Variants in CDH23 observed in about 807,000 individuals in gnomAD.
CDH23 encodes cadherin-23.
In CDH23, 189 loss-of-function variants were observed where a neutral mutation model predicts 317.1. The ratio of observed to expected loss-of-function variants is 0.60; its 90% CI spans 0.53 to 0.67. The LOEUF (loss-of-function observed/expected upper bound fraction) is 0.67, where lower values mean the gene tolerates loss of function less well. CDH23 is among the 30% of genes least tolerant of loss of function. The probability of loss-of-function intolerance (pLI) is 0.00; values close to 1 mark genes in which losing one functional copy is unlikely to be tolerated. For synonymous variants in CDH23, 1,839 were observed against 1,876.8 expected, an observed-to-expected ratio of 0.98 and a Z score of 0.52; for missense variants, 4,401 against 4,592.4, an observed-to-expected ratio of 0.96 and a Z score of 1.20.
chr10:71,627,482 G>A (rs1299257781), intron 11 of CDH23, among the ~76,000 whole-genome samples: 1 of 152,134 alleles, frequency 6.6e-6, no homozygotes, highest in African/African-American at 2.4e-5. Flanking sequence ...CCAGAGGGTG[G>A]CCTCTGCCAT....
chr10:71,461,577 T>C (rs559312297), intron 3 of CDH23, among the ~76,000 whole-genome samples: 22 of 152,276 alleles, frequency 1.4e-4, no homozygotes, highest in African/African-American at 4.6e-4. Flanking sequence ...CAGCCTTCTG[T>C]CATCTTTTGC....
Position 71,785,021 on chromosome 10 carries a change from C to T in CDH23, c.5633C>T (p.Ala1878Val). 6.2e-7 allele frequency: 1 copy of T among 1,614,094 alleles called. No individual in the cohort carries two copies. The highest frequency in any genetic ancestry group is 1.1e-5 in the South Asian group (1 of 91,088). The change falls in exon 43 of 70, where the codon GCT (alanine) becomes GTT (valine). Residue 1878 changes from alanine to valine, a missense_variant. Coordinates refer to ENST00000224721, the MANE Select transcript of CDH23 (RefSeq NM_022124.6). Reference sequence around the variant, plus strand: ...GTCGCCCATGTCCTGGCCAGTGACGCTGACAGTGGCTGCAATGCACGCCTC... The same window carrying T: ...GTCGCCCATGTCCTGGCCAGTGACGTTGACAGTGGCTGCAATGCACGCCTC... ...SFVAHVLASD[A>V]DSGCNARLTF... is the part of the protein sequence containing the mutation.
Position 71,740,948 on chromosome 10 carries a change from G to A in CDH23, c.4615G>A (p.Glu1539Lys). 6.2e-7 allele frequency: 1 copy of A among 1,613,934 alleles called. No individual in the cohort carries two copies. Among genetic ancestry groups the A allele is most frequent in the Non-Finnish European group, 8.5e-7 (1 of 1,179,860 alleles). Residue 1539 changes from glutamate (E) to lysine (K), a missense_variant and splice_region_variant, in exon 37 of 70, where the codon GAG becomes AAG. This residue lies in a region of CDH23 where 3,068 missense variants were observed against 3,203.3 expected (regional missense o/e 0.96). Transcript: ENST00000224721. ...CTTTGGATACAATGTCAGTGTGAATGAGGTGAGGGCAGCCCCGGGGCCCAT... is the reference window on the plus strand; with the variant it reads ...CTTTGGATACAATGTCAGTGTGAATAAGGTGAGGGCAGCCCCGGGGCCCAT... ...SPFGYNVSVN[E>K]NVGGGTAVVQ...
In CDH23 at chr10:71,810,495, G is replaced by A. The variant is rs531443805; in HGVS notation, c.9003G>A (p.Arg3001=). Residue 3001 remains arginine (R), a synonymous_variant, in exon 62 of 70, where the codon CGG becomes CGA. Transcript: ENST00000224721. The part of the protein sequence containing the change: ...NVQFHVDKKG[R]VNFAQTELLI... ...AGTTCCATGTGGACAAGAAGGGCCG[G>A]GTGAACTTTGCGCAGACAGAACTGC... is the stretch of plus-strand genomic sequence containing the variant. 1.2e-5 allele frequency: 20 copies of A among 1,613,972 alleles called. No individual in the cohort carries two copies. The African/African-American group carries it at 2.0e-4, about 16-fold the overall frequency.
chr10:71,790,627 AC>A lies in CDH23; in HGVS notation c.6049+216del, dbSNP rs1212252641. On this transcript the variant is annotated intron_variant, in intron 46 of 69. Coordinates refer to ENST00000224721, the MANE Select transcript of CDH23 (RefSeq NM_022124.6). ...AAGAGGCTTGGAGACGATACACAGG[AC>A]CTCTGTTGGTGCACGAACTCTCAGC... is the stretch of plus-strand genomic sequence containing the variant. 8 of 614,022 alleles carry A rather than the reference AC, an allele frequency of 1.3e-5. No homozygotes were observed. The African/African-American group carries it at 1.5e-4, about 11-fold the overall frequency. 38.0% of individuals were successfully genotyped at this position (614,022 alleles called of 1,614,324 possible). A position where few individuals can be genotyped will look rare whatever the true frequency, so the allele number is the denominator to read the frequency against.
chr10:71,809,871 C>T lies in CDH23; in HGVS notation c.8774C>T (p.Pro2925Leu), dbSNP rs763128745. The stretch of plus-strand genomic sequence containing the variant: ...TTCGACCTCTTCATGGCCTACAGCC[C>T]CGGCTACTTCGTGGTGGACATTGTG... ...RTFDLFMAYS[P>L]GYFVVDIVAR... is the part of the protein sequence containing the mutation. The change falls in exon 61 of 70, where the codon CCC (proline) becomes CTC (leucine). Residue 2925 changes from proline (P) to leucine (L), a missense_variant. Physicochemically the swap from Pro to Leu is moderately conservative, Grantham distance 98. Transcript: ENST00000224721. 8.1e-6 allele frequency: 13 copies of T among 1,613,468 alleles called. No individual in the cohort carries two copies. The highest frequency in any genetic ancestry group is 1.0e-5 in the Non-Finnish European group (12 of 1,179,904).
chr10:71,533,062 C>T (rs921066175), intron 6 of CDH23, among the ~76,000 whole-genome samples: 4 of 152,164 alleles, frequency 2.6e-5, no homozygotes, highest in Non-Finnish European at 4.4e-5. Flanking sequence ...GTGTGCCCAG[C>T]GCTGTATCTG....
chr10:71,667,079 C>T (rs1424572813), intron 14 of CDH23, among the ~76,000 whole-genome samples: 3 of 152,370 alleles, frequency 2.0e-5, no homozygotes, highest in Admixed American at 1.3e-4. Flanking sequence ...TCACCGGCAC[C>T]GGCCGCCTGC....
intron 19 of CDH23, among the ~76,000 whole-genome samples, chr10:71,689,060 AGCCAGGG>A: frequency 7.5e-6 from 1 of 132,592 alleles, no homozygotes. Flanking sequence ...GGGATGGTGG[AGCCAGGG>A]GTGGTGGAGC....
intron 1 of CDH23, among the ~76,000 whole-genome samples, chr10:71,437,650 T>G (rs74144953): frequency 0.02 from 2,978 of 152,348 alleles, 109 homozygotes; most frequent in African/African-American, 0.067. Flanking sequence ...AGCCCTTGCC[T>G]GCCCACTCTG....
intron 9 of CDH23, among the ~76,000 whole-genome samples, chr10:71,604,014 A>G (rs1360015470): frequency 1.3e-5 from 2 of 152,242 alleles, no homozygotes; most frequent in Non-Finnish European, 2.9e-5. Flanking sequence ...CTAGAGGCAG[A>G]CAGGCTGGCC....
chr10:71,691,887 C>T (rs1042980336), intron 20 of CDH23, among the ~76,000 whole-genome samples: 77 of 152,084 alleles, frequency 5.1e-4, no homozygotes, highest in African/African-American at 1.5e-3. Context: ...AGCAGATGGC[C>T]GGTGCTGATG....
At chr10:71,622,903 G>T (rs1057168529) in intron 11 of CDH23, 19 of 985,196 alleles carry the variant, frequency 1.9e-5, no homozygotes, top group Non-Finnish European at 2.2e-5. Context: ...CTGGGAATTG[G>T]AATATTTCAG....
In CDH23 at chr10:71,397,699, C is replaced by G. The variant is rs1472504148; in HGVS notation, c.-6+381C>G. ...TGGAGAGATTTTCGAGAGTGGAGCGCGTTGGGATCCAATCCCCTCCCCTTC... is the reference window on the plus strand; with the variant it reads ...TGGAGAGATTTTCGAGAGTGGAGCGGGTTGGGATCCAATCCCCTCCCCTTC... On this transcript the variant is annotated intron_variant, in intron 1 of 69. Coordinates refer to ENST00000224721, the MANE Select transcript of CDH23 (RefSeq NM_022124.6). This position sits in a 1 kb window ranked among gnomAD's most constrained non-coding sequence, Gnocchi z 4.8. 6.6e-6 allele frequency among the ~76,000 whole-genome samples: 1 copy of G among 152,032 alleles called. No homozygotes were observed. The highest frequency in any genetic ancestry group is 1.5e-5 in the Non-Finnish European group (1 of 67,990).
Position 71,677,475 on chromosome 10 carries a change from A to G in CDH23, c.1534A>G (p.Thr512Ala). The G allele has an allele frequency of 6.2e-7, 1 of 1,609,998 alleles. No homozygotes were observed. The highest frequency in any genetic ancestry group is 8.5e-7 in the Non-Finnish European group (1 of 1,178,228). The change falls in exon 16 of 70, where the codon ACG (threonine) becomes GCG (alanine). Residue 512 changes from threonine to alanine, a missense_variant. Thr to Ala is a moderately conservative substitution (Grantham distance 58). Coordinates refer to ENST00000224721, the MANE Select transcript of CDH23 (RefSeq NM_022124.6). ...DPDRFSLDKD[T>A]GLIMLIARLD... ...GCACAGGTTCTCGCTGGACAAGGAC[A>G]CGGGACTCATCATGCTGATTGCCAG...
At chr10:71,540,092 T>C (rs1272224373) in intron 6 of CDH23, among the ~76,000 whole-genome samples, 4 of 152,158 alleles carry the variant, frequency 2.6e-5, no homozygotes, top group African/African-American at 9.7e-5. Flanking sequence ...ACCATGACTT[T>C]CTGCTCACTA....
At position 71,739,630 on chromosome 10, in the gene CDH23, T is replaced by C; in HGVS notation, c.4360-14T>C. 6.2e-6 allele frequency: 10 copies of C among 1,611,832 alleles called. No individual in the cohort carries two copies. Among genetic ancestry groups the C allele is most frequent in the Non-Finnish European group, 8.5e-6 (10 of 1,179,036 alleles). On this transcript the variant is annotated splice_polypyrimidine_tract_variant and intron_variant, in intron 35 of 69. Coordinates refer to ENST00000224721, the MANE Select transcript of CDH23 (RefSeq NM_022124.6). ...CCACACCTGCTCACCCCTCACCCTC[T>C]CTTCTCCCCACAGGTGGTCTTCTCC...
chr10:71,793,393 G>A lies in CDH23; in HGVS notation c.6465G>A (p.Ser2155=), dbSNP rs373462599. The part of the protein sequence containing the change: ...VATDRGTVPL[S]GTAIVTILID... ...CCGACCGGGGCACCGTTCCTCTCTC[G>A]GGCACAGCCATTGTCACCATTCTGA... The change falls in exon 48 of 70, where the codon TCG becomes TCA. Residue 2155 remains serine (S), a synonymous_variant. Transcript: ENST00000224721. The A allele has an allele frequency of 1.8e-5, 29 of 1,613,792 alleles. No individual in the cohort carries two copies. The highest frequency in any genetic ancestry group is 8.0e-5 in the African/African-American group (6 of 74,894).
chr10:71,784,311 A>G lies in CDH23; in HGVS notation c.5393A>G (p.Glu1798Gly), dbSNP rs1320371190. The change falls in exon 42 of 70, where the codon GAG becomes GGG. Residue 1798 changes from glutamate (E) to glycine (G), a missense_variant. Transcript: ENST00000224721. The part of the protein sequence containing the change: ...PLGEFVISPV[E>G]GVLRVRKDVE... ...GGGGAGTTTGTGATCTCTCCTGTGG[A>G]GGGGGTGCTAAGGGTCCGGAAGGAC... The G allele has an allele frequency of 6.2e-7, 1 of 1,613,718 alleles. No individual in the cohort carries two copies. The highest frequency in any genetic ancestry group is 8.5e-7 in the Non-Finnish European group (1 of 1,179,752).
Sources: allele counts gnomAD v4.1 joint callset (sites outside exome capture counted in the v4.1 genomes callset), GRCh38; gene constraint gnomAD v4.1.1; regional missense constraint gnomAD v4.1.1; non-coding constraint Gnocchi (gnomAD v3.1); transcripts MANE v1.5; gene names NCBI Gene and HGNC (gene_info 2026-07-23, HGNC 2026-07-21).